Variants in OTOGL observed in about 807,000 individuals in gnomAD.
OTOGL encodes otogelin like.
A neutral mutation model predicts 318.5 loss-of-function variants in OTOGL; 285 were observed. The ratio of observed to expected loss-of-function variants is 0.89; its 90% confidence interval spans 0.81 to 0.99. The LOEUF is 0.99. Ranked by LOEUF, OTOGL falls within the 50% of genes least tolerant of loss-of-function variation. OTOGL has a pLI of 0.00. For synonymous variants in OTOGL, 987 were observed against 936.5 expected, an observed-to-expected ratio of 1.05 and a Z score of -0.99; for missense variants, 2,899 against 2,845.6, an observed-to-expected ratio of 1.02 and a Z score of -0.43.
intron 35 of OTOGL, among the ~76,000 whole-genome samples, chr12:80,325,423 G>C (rs1193876836): frequency 6.6e-6 from 1 of 152,206 alleles, no homozygotes; most frequent in African/African-American, 2.4e-5. Flanking sequence ...ACTGTGCCAA[G>C]TGCTGTAAAA....
At chr12:80,208,066 AT>A (rs1876946674) in intron 1 of OTOGL, 1 of 436,954 alleles carries the variant, frequency 2.3e-6, no homozygotes, top group East Asian at 7.0e-5. Flanking sequence ...GTGTGTGTAC[AT>A]GTGTGTGTGC....
At chr12:80,321,977 A>G (rs909392831) in intron 34 of OTOGL, among the ~76,000 whole-genome samples, 1 of 152,112 alleles carries the variant, frequency 6.6e-6, no homozygotes, top group Non-Finnish European at 1.5e-5. Context: ...CCCTGAAAGC[A>G]CTCTGCCCTG....
At position 80,261,974 on chromosome 12, in the gene OTOGL, C is replaced by T. The variant is rs1426531928; in HGVS notation, c.1895C>T (p.Pro632Leu). 8.1e-6 allele frequency: 13 copies of T among 1,610,502 alleles called. No individual in the cohort carries two copies. Among genetic ancestry groups the T allele is most frequent in the Non-Finnish European group, 1.1e-5 (13 of 1,178,058 alleles). The change falls in exon 19 of 59, where the codon CCA becomes CTA. Residue 632 changes from proline (P) to leucine (L), a missense_variant. Pro to Leu is a moderately conservative substitution (Grantham distance 98). Coordinates refer to ENST00000547103, the MANE Select transcript of OTOGL (RefSeq NM_001378609.3). ...GCATTGTCTTTGCTTTCTAGTTCTC[C>T]ATCAGGCATGATAGAAGGTACACCA... Reference protein sequence around the residue: ...NGNIRDDFLSPSGMIEGTPQL... With the variant: ...NGNIRDDFLSLSGMIEGTPQL...
At chr12:80,227,507 T>C (rs1044243288) in intron 7 of OTOGL, among the ~76,000 whole-genome samples, 1 of 152,226 alleles carries the variant, frequency 6.6e-6, no homozygotes, top group African/African-American at 2.4e-5. Context: ...AATAAGGCTC[T>C]AAAAGCGAAT....
chr12:80,186,103 A>ATAT (rs1157247632), intron 1 of OTOGL, among the ~76,000 whole-genome samples: 2 of 152,120 alleles, frequency 1.3e-5, no homozygotes, highest in Non-Finnish European at 1.5e-5. Context: ...TTTATCTTTT[A>ATAT]CCCCTTATAT....
At chr12:80,240,403 A>G (rs928017204) in intron 11 of OTOGL, among the ~76,000 whole-genome samples, 5 of 152,130 alleles carry the variant, frequency 3.3e-5, no homozygotes, top group Non-Finnish European at 7.4e-5. Flanking sequence ...TTTGAAATGC[A>G]CAAAATAAAA....
At chr12:80,117,886 A>T (rs1252520389) in intron 1 of OTOGL, among the ~76,000 whole-genome samples, 1 of 152,138 alleles carries the variant, frequency 6.6e-6, no homozygotes, top group Non-Finnish European at 1.5e-5. Context: ...TTTCTTCTTC[A>T]AAAGCACATC....
At chr12:80,175,278 A>G (rs1874456260) in intron 1 of OTOGL, among the ~76,000 whole-genome samples, 2 of 152,228 alleles carry the variant, frequency 1.3e-5, no homozygotes, top group African/African-American at 4.8e-5. Context: ...AAAGAGTTCT[A>G]TACAAATTTC....
chr12:80,209,040 A>C (rs1877031051), intron 1 of OTOGL, among the ~76,000 whole-genome samples: 1 of 152,236 alleles, frequency 6.6e-6, no homozygotes, highest in African/African-American at 2.4e-5. Context: ...CAAAGATTAG[A>C]TCAACCATTA....
At chr12:80,319,166 C>T (rs976168526) in intron 33 of OTOGL, among the ~76,000 whole-genome samples, 2 of 152,108 alleles carry the variant, frequency 1.3e-5, no homozygotes, top group South Asian at 2.1e-4. Flanking sequence ...GTTATCCTTA[C>T]CTGCCTTGTC....
At chr12:80,206,753 T>C (rs1404978777) in intron 1 of OTOGL, among the ~76,000 whole-genome samples, 1 of 151,890 alleles carries the variant, frequency 6.6e-6, no homozygotes, top group Admixed American at 6.6e-5. Flanking sequence ...ACTTCTGAGC[T>C]GAAGTGCTCC....
chr12:80,299,605 G>A (rs1885624672), intron 27 of OTOGL, among the ~76,000 whole-genome samples: 1 of 144,540 alleles, frequency 6.9e-6, no homozygotes, highest in Non-Finnish European at 1.5e-5. Context: ...ATCCATCCAG[G>A]GGAAGAAAAA....
chr12:80,105,937 T>C (rs796777667), intron 1 of OTOGL, among the ~76,000 whole-genome samples: 6 of 152,326 alleles, frequency 3.9e-5, no homozygotes, highest in African/African-American at 1.4e-4. Context: ...CATTTACGGA[T>C]AAAAACGTTT....
intron 1 of OTOGL, among the ~76,000 whole-genome samples, chr12:80,156,239 T>C (rs1424053156): frequency 6.6e-6 from 1 of 152,196 alleles, no homozygotes; most frequent in African/African-American, 2.4e-5. Flanking sequence ...GGTTTAGTTT[T>C]CTCGTCTACA....
In OTOGL at chr12:80,266,494, G is replaced by C. The variant is rs1036677659; in HGVS notation, c.2268G>C (p.Ser756=). Reference sequence around the variant, plus strand: ...GCATGCTGTACCATCACTGTTCCTCGTTCTGCCTCCATTCCTGCATTTCTC... The same window carrying C: ...GCATGCTGTACCATCACTGTTCCTCCTTCTGCCTCCATTCCTGCATTTCTC... ...QKGMLYHHCS[S]FCLHSCISLS... The change falls in exon 21 of 59, where the codon TCG becomes TCC. Residue 756 remains serine, a synonymous_variant. Transcript: ENST00000547103. 2.5e-6 allele frequency: 4 copies of C among 1,613,366 alleles called. No homozygotes were observed. Among genetic ancestry groups the C allele is most frequent in the Non-Finnish European group, 3.4e-6 (4 of 1,179,696 alleles).
chr12:80,306,859 GA>G (rs1250127676), intron 29 of OTOGL, among the ~76,000 whole-genome samples: 1 of 149,916 alleles, frequency 6.7e-6, no homozygotes, highest in Non-Finnish European at 1.5e-5. Flanking sequence ...CGCAGAGGGG[GA>G]TTTGGCAGGA....
At chr12:80,345,185 T>C (rs1889109725) in intron 44 of OTOGL, among the ~76,000 whole-genome samples, 1 of 139,112 alleles carries the variant, frequency 7.2e-6, no homozygotes. Flanking sequence ...ATATTTTATA[T>C]TTATAATGTA....
intron 32 of OTOGL, among the ~76,000 whole-genome samples, chr12:80,315,190 C>T (rs1886891650): frequency 6.6e-6 from 1 of 152,022 alleles, no homozygotes; most frequent in African/African-American, 2.4e-5. Flanking sequence ...TCACAATTTT[C>T]TTATGTTGTG....
At chr12:80,292,201 T>C (rs1344215359) in intron 26 of OTOGL, among the ~76,000 whole-genome samples, 1 of 152,224 alleles carries the variant, frequency 6.6e-6, no homozygotes, top group Admixed American at 6.5e-5. Context: ...TTGGTCAGGC[T>C]GGTCTTGAAT....
Sources: gnomAD v4.1 joint callset for allele counts (sites outside exome capture counted in the v4.1 genomes callset) on GRCh38, gnomAD v4.1.1 for gene constraint, MANE v1.5 for transcripts, NCBI Gene and HGNC (gene_info 2026-07-23, HGNC 2026-07-21) for gene names.